The following DNTT variants were observed in gnomAD, a reference collection of about 807,000 sequenced individuals.
The protein encoded by DNTT is DNA nucleotidylexotransferase, also known as nucleosidetriphosphate:DNA deoxynucleotidylexotransferase.
A neutral mutation model predicts 60.9 loss-of-function variants in DNTT; 47 were observed. The ratio of observed to expected loss-of-function variants is 0.77; its 90% CI spans 0.61 to 0.98. The LOEUF (loss-of-function observed/expected upper bound fraction) is 0.98. DNTT is among the 50% of genes least tolerant of loss of function. The pLI is 0.00. For synonymous variants in DNTT, 224 were observed against 221.2 expected, an observed-to-expected ratio of 1.01 and a Z score of -0.11; for missense variants, 665 against 627.5, an observed-to-expected ratio of 1.06 and a Z score of -0.64.
intron 9 of DNTT, among the ~76,000 whole-genome samples, chr10:96,333,152 G>A (rs1030304524): frequency 6.6e-6 from 1 of 152,152 alleles, no homozygotes; most frequent in East Asian, 1.9e-4. Context: ...TTAAAAATGG[G>A]CAAAGGACTT....
At chr10:96,309,224 TGGAAG>T (rs1844680166) in intron 1 of DNTT, among the ~76,000 whole-genome samples, 4 of 152,194 alleles carry the variant, frequency 2.6e-5, no homozygotes, top group Admixed American at 2.6e-4. Flanking sequence ...AGGATGCCAC[TGGAAG>T]GCATTGTCTT....
At position 96,332,437 on chromosome 10, in the gene DNTT, T is replaced by G; in HGVS notation, c.1200T>G (p.Phe400Leu). The change falls in exon 9 of 11, where the codon TTT becomes TTG. Residue 400 changes from phenylalanine (F) to leucine (L), a missense_variant. By Grantham distance (22) the Phe-to-Leu change is conservative. Transcript: ENST00000371174. ...PSRKVDALDH[F>L]QKCFLIFKLP... ...GGAAGGTTGATGCTTTGGATCATTT[T>G]CAAAAGTGCTTTCTGATTTTCAAAT... 6.2e-7 allele frequency: 1 copy of G among 1,614,192 alleles called. No homozygotes were observed. The highest frequency in any genetic ancestry group is 8.5e-7 in the Non-Finnish European group (1 of 1,180,010).
chr10:96,319,945 A>G (rs1844846035), intron 3 of DNTT, among the ~76,000 whole-genome samples: 1 of 152,212 alleles, frequency 6.6e-6, no homozygotes, highest in African/African-American at 2.4e-5. Flanking sequence ...GAATGGCCCT[A>G]AAACCCACAA....
rs750823030 is a variant in DNTT, at chr10:96,320,584, G to A, written c.508-34G>A. On this transcript the variant is annotated intron_variant, in intron 3 of 10. Coordinates refer to ENST00000371174, the MANE Select transcript of DNTT (RefSeq NM_004088.4). ...TGACCACTGGCTCAGGGGCTTGGAAGCAAATCTCCTGCTTATCTGGTTTTA... is the reference window on the plus strand; with the variant it reads ...TGACCACTGGCTCAGGGGCTTGGAAACAAATCTCCTGCTTATCTGGTTTTA... The A allele has an allele frequency of 5.0e-6, 8 of 1,608,984 alleles. No homozygotes were observed. The South Asian group carries it at 8.9e-5, about 18-fold the overall frequency.
In DNTT at chr10:96,332,469, G is replaced by A. The variant is rs151142894; in HGVS notation, c.1232G>A (p.Arg411His). 286 of 1,614,162 alleles carry A rather than the reference G, an allele frequency of 1.8e-4. 1 individual carries two copies. Among genetic ancestry groups the A allele is most frequent in the South Asian group, 8.6e-4 (78 of 91,082 alleles). ...TGCTTTCTGATTTTCAAATTGCCTC[G>A]TCAAAGAGTGGACAGTGACCAGTCC... ...QKCFLIFKLP[R>H]QRVDSDQSSW... Residue 411 changes from arginine (R) to histidine (H), a missense_variant, in exon 9 of 11, where the codon CGT (arginine) becomes CAT (histidine). Transcript: ENST00000371174.
In DNTT at chr10:96,304,515, G is replaced by C; in HGVS notation, c.18G>C (p.Ala6=). Residue 6 remains alanine (A), a synonymous_variant, in exon 1 of 11, where the codon GCG becomes GCC. Transcript: ENST00000371174. ...CTCTTCCCATGGATCCACCACGAGC[G>C]TCCCACTTGAGCCCTCGGAAGAAGA... MDPPR[A]SHLSPRKKRP... is the part of the protein sequence containing the mutation. The C allele has an allele frequency of 6.2e-7, 1 of 1,613,816 alleles. No individual in the cohort carries two copies. The highest frequency in any genetic ancestry group is 1.7e-5 in the Admixed American group (1 of 60,010).
chr10:96,313,605 C>G (rs1010984235), intron 1 of DNTT, among the ~76,000 whole-genome samples: 4 of 152,188 alleles, frequency 2.6e-5, no homozygotes, highest in African/African-American at 9.7e-5. Context: ...ACATTGCCTA[C>G]TGTGCTAGGC....
chr10:96,336,261 T>A (rs1845067959), intron 10 of DNTT, among the ~76,000 whole-genome samples: 1 of 152,158 alleles, frequency 6.6e-6, no homozygotes, highest in Non-Finnish European at 1.5e-5. Context: ...ATATCCTTGG[T>A]GTTGGCAATG....
intron 2 of DNTT, among the ~76,000 whole-genome samples, chr10:96,319,041 A>T (rs1844829166): frequency 6.6e-6 from 1 of 152,224 alleles, no homozygotes; most frequent in Non-Finnish European, 1.5e-5. Context: ...GAAAACGAAG[A>T]TGATATTTAA....
At chr10:96,307,527 T>G (rs1844654234) in intron 1 of DNTT, among the ~76,000 whole-genome samples, 1 of 150,244 alleles carries the variant, frequency 6.7e-6, no homozygotes, top group Non-Finnish European at 1.5e-5. Context: ...GATAATCTTT[T>G]TTATTTTTAA....
intron 1 of DNTT, among the ~76,000 whole-genome samples, chr10:96,307,343 G>GTTGTTTTTTTTTTTTTTTTTTTTTTT (rs1844650391): frequency 1.5e-5 from 1 of 67,606 alleles, no homozygotes; most frequent in African/African-American, 6.4e-5. Flanking sequence ...GGGTTTTCCA[G>GTTGTTTTTTTTTTTTTTTTTTTTTTT]TTTTTTTTTT....
At chr10:96,305,884 T>A (rs560800127) in intron 1 of DNTT, among the ~76,000 whole-genome samples, 1 of 152,314 alleles carries the variant, frequency 6.6e-6, no homozygotes, top group Non-Finnish European at 1.5e-5. Flanking sequence ...TTCTTCCACC[T>A]GATTTCTCTT....
Position 96,320,709 on chromosome 10 carries a change from C to T in DNTT, c.599C>T (p.Ser200Phe). ...TFMRAASVLK[S>F]LPFTIISMKD... ...ATGAGAGCAGCTTCTGTATTGAAAT[C>T]TCTGCCATTCACAATCATCAGTATG... Residue 200 changes from serine to phenylalanine, a missense_variant, in exon 4 of 11, where the codon TCT becomes TTT. Physicochemically the swap from Ser to Phe is radical, Grantham distance 155 (BLOSUM62 -2). Transcript: ENST00000371174. 6.2e-7 allele frequency: 1 copy of T among 1,613,860 alleles called. No individual in the cohort carries two copies. Among genetic ancestry groups the T allele is most frequent in the East Asian group, 2.2e-5 (1 of 44,870 alleles).
chr10:96,336,940 G>GTAA, intron 10 of DNTT, among the ~76,000 whole-genome samples: 2 of 129,950 alleles, frequency 1.5e-5, no homozygotes, highest in East Asian at 2.3e-4. Context: ...TCTGTGTCAG[G>GTAA]AAAAAAAAAA....
At chr10:96,330,222 C>G (rs998307318) in intron 8 of DNTT, among the ~76,000 whole-genome samples, 66 of 151,908 alleles carry the variant, frequency 4.3e-4, no homozygotes, top group African/African-American at 1.5e-3. Context: ...TCTCAAACAC[C>G]TTGCAAAATT....
chr10:96,313,556 A>G (rs1196067771), intron 1 of DNTT, among the ~76,000 whole-genome samples: 2 of 152,204 alleles, frequency 1.3e-5, no homozygotes, highest in African/African-American at 4.8e-5. Context: ...CCTCGGCTTC[A>G]TGTAAGCTCC....
intron 1 of DNTT, among the ~76,000 whole-genome samples, chr10:96,307,770 TATATA>T (rs1225255655): frequency 8.7e-6 from 1 of 115,568 alleles, no homozygotes; most frequent in Non-Finnish European, 1.7e-5. Context: ...TATATATATA[TATATA>T]TATTTTTTTT....
chr10:96,322,686 A>G lies in DNTT; in HGVS notation c.708A>G (p.Glu236=). 2.5e-6 allele frequency: 4 copies of G among 1,603,910 alleles called. No individual in the cohort carries two copies. The highest frequency in any genetic ancestry group is 3.4e-6 in the Non-Finnish European group (4 of 1,172,606). The change falls in exon 5 of 11, where the codon GAA becomes GAG. Residue 236 remains glutamate (E), a synonymous_variant. Coordinates refer to ENST00000371174, the MANE Select transcript of DNTT (RefSeq NM_004088.4). ...TTATTGAAGATGGAGAAAGTTCTGA[A>G]GTTAAAGCTGTGTTAAATGATGAAC... The part of the protein sequence containing the change: ...EEIIEDGESS[E]VKAVLNDERY...
chr10:96,318,439 A>G lies in DNTT; in HGVS notation c.291A>G (p.Ser97=). The G allele has an allele frequency of 6.2e-7, 1 of 1,613,988 alleles. No individual in the cohort carries two copies. Among genetic ancestry groups the G allele is most frequent in the Non-Finnish European group, 8.5e-7 (1 of 1,179,874 alleles). Residue 97 remains serine (S), a synonymous_variant, in exon 2 of 11, where the codon TCA becomes TCG. Coordinates refer to ENST00000371174, the MANE Select transcript of DNTT (RefSeq NM_004088.4). ...WLQAQKVQVS[S]QPELLDVSWL... ...AAGCACAGAAAGTACAAGTCAGCTC[A>G]CAACCAGAGCTCCTCGATGTCTCCT...
Sources: gnomAD v4.1 joint callset for allele counts (sites outside exome capture counted in the v4.1 genomes callset) on GRCh38, gnomAD v4.1.1 for gene constraint, MANE v1.5 for transcripts, NCBI Gene and HGNC (gene_info 2026-07-23, HGNC 2026-07-21) for gene names.